ALDH4A1: variants seen among roughly 807,000 people sequenced by gnomAD.
ALDH4A1 encodes delta-1-pyrroline-5-carboxylate dehydrogenase, mitochondrial.
A neutral mutation model predicts 70.5 loss-of-function variants in ALDH4A1; 46 were observed. That is an observed-to-expected ratio of 0.65 (90% CI 0.51 to 0.83). The LOEUF is 0.83. Among genes scored for constraint, ALDH4A1 ranks in the 40% least tolerant of loss-of-function variants. The pLI is 0.00. For missense variants in ALDH4A1, 749 were observed against 766.5 expected (o/e 0.98, Z 0.27); for synonymous variants, 323 against 324.3 (o/e 1.00, Z 0.04).
rs1376796026 is a variant in ALDH4A1, at chr1:18,874,528, T to C, written c.1514A>G (p.Tyr505Cys). ...CGAGCCAGTGGACTTGTCGTTGATG[T>C]AGAAGTTGCCGGCAGCATTCCTCAG... ...KVLRNAAGNFYINDKSTGSIV... is the reference protein window; with the variant it reads ...KVLRNAAGNFCINDKSTGSIV... Residue 505 changes from tyrosine to cysteine, a missense_variant, in exon 14 of 15, where the codon TAC (tyrosine) becomes TGC (cysteine). Tyr to Cys is a radical substitution (Grantham distance 194). Transcript: ENST00000375341. 9.9e-6 allele frequency: 16 copies of C among 1,614,080 alleles called. No individual in the cohort carries two copies. Among genetic ancestry groups the C allele is most frequent in the East Asian group, 6.7e-5 (3 of 44,886 alleles).
rs921464987 is a variant in ALDH4A1, at chr1:18,872,645, A to G, written c.*200T>C. 8 of 560,238 alleles carry G rather than the reference A, an allele frequency of 1.4e-5. No homozygotes were observed. The East Asian group carries it at 2.1e-4, about 15-fold the overall frequency. The allele number at this position is 560,238 out of a possible 1,614,324, so 34.7% of individuals were successfully genotyped here. ...GCCGATGGGATAAGGGGTAGTGGCCATGTTCCTCCCCAGCACGATCTCAAA... is the reference window on the plus strand; with the variant it reads ...GCCGATGGGATAAGGGGTAGTGGCCGTGTTCCTCCCCAGCACGATCTCAAA... On this transcript the variant is annotated 3_prime_UTR_variant, in exon 15 of 15. Transcript: ENST00000375341.
rs1935698804 is a variant in ALDH4A1 at position 18,898,590 on chromosome 1, ATGTATGAGACCAT to A, written c.62+3859_62+3871del. On this transcript the variant is annotated intron_variant, in intron 1 of 14. Coordinates refer to ENST00000375341, the MANE Select transcript of ALDH4A1 (RefSeq NM_003748.4). This position sits in a 1 kb window ranked among gnomAD's most constrained non-coding sequence, Gnocchi z 4.3. ...TGCTGGGCACTCCAAAGTGCTTTCC[ATGTATGAGACCAT>A]TTAACACGCAGGACAATCCTATGAG... 6.6e-6 allele frequency among the ~76,000 whole-genome samples: 1 copy of A among 152,218 alleles called. No individual in the cohort carries two copies. The highest frequency in any genetic ancestry group is 1.5e-5 in the Non-Finnish European group (1 of 68,042).
intron 7 of ALDH4A1, among the ~76,000 whole-genome samples, chr1:18,882,391 CG>C (rs1935015113): frequency 6.6e-6 from 1 of 152,174 alleles, no homozygotes; most frequent in Non-Finnish European, 1.5e-5. Flanking sequence ...GTCTGGGGCT[CG>C]GGGTTCCCGA....
intron 8 of ALDH4A1, among the ~76,000 whole-genome samples, chr1:18,879,765 G>C (rs1017337958): frequency 4.6e-5 from 7 of 152,170 alleles, no homozygotes; most frequent in African/African-American, 1.7e-4. Context: ...GCAGGTACCT[G>C]GCAGGGAACA....
At chr1:18,882,508 C>A in intron 7 of ALDH4A1, 1 of 514,520 alleles carries the variant, frequency 1.9e-6, no homozygotes, top group South Asian at 1.4e-5. Flanking sequence ...CCGATAATGG[C>A]AGAGGAGTGA....
intron 1 of ALDH4A1, among the ~76,000 whole-genome samples, chr1:18,902,161 G>A (rs1935821572): frequency 6.6e-6 from 1 of 152,222 alleles, no homozygotes. Flanking sequence ...TGACTACAGA[G>A]GCTACTTTCC....
At position 18,890,018 on chromosome 1, in the gene ALDH4A1, C is replaced by T. The variant is rs201605414; in HGVS notation, c.150G>A (p.Leu50=). 200 of 1,607,440 alleles carry T rather than the reference C, an allele frequency of 1.2e-4. No homozygotes were observed. Among genetic ancestry groups the T allele is most frequent in the Middle Eastern group, 3.3e-4 (2 of 6,042 alleles). The change falls in exon 2 of 15, where the codon CTG becomes CTA. Residue 50 remains leucine (L), a synonymous_variant. Coordinates refer to ENST00000375341, the MANE Select transcript of ALDH4A1 (RefSeq NM_003748.4). The part of the protein sequence containing the change: ...FTQGSPERDA[L]QKALKDLKGR... ...CCTCCCACCCTCCCATTACCTTTTGCAGGGCATCTCGCTCAGGGCTGCCCT... is the reference window on the plus strand; with the variant it reads ...CCTCCCACCCTCCCATTACCTTTTGTAGGGCATCTCGCTCAGGGCTGCCCT...
intron 4 of ALDH4A1, 91 bp downstream of exon 4, chr1:18,886,373 T>A (rs1223712204): frequency 6.9e-7 from 1 of 1,445,226 alleles, no homozygotes; most frequent in Non-Finnish European, 9.7e-7. Flanking sequence ...CAGCAACTGA[T>A]GCCCCCTGCC....
rs749148509 is a variant in ALDH4A1, at chr1:18,876,326, TG to T, written c.1326del (p.Ile443SerfsTer2). 32 of 1,613,890 alleles carry T rather than the reference TG, an allele frequency of 2.0e-5. No homozygotes were observed. In the African/African-American group the frequency reaches 4.0e-4, roughly 20 times the overall value. ...CIVESKDPQEPIMKEEIFGPV... is the reference protein window; with the variant it reads ...CIVESKDPQEXIMKEEIFGPV... ...CCCACCCCAGTCACCTCCTTCATGA[TG>T]GGCTCCTGAGGGTCCTTGCTCTCCA... is the stretch of plus-strand genomic sequence containing the variant. On this transcript the variant is annotated frameshift_variant, in exon 12 of 15. Coordinates refer to ENST00000375341, the MANE Select transcript of ALDH4A1 (RefSeq NM_003748.4). LOFTEE classifies it high-confidence loss of function.
chr1:18,898,023 C>A lies in ALDH4A1; in HGVS notation c.62+4439G>T, dbSNP rs1004011744. Reference sequence around the variant, plus strand: ...TCCCCTGAGGTGAGCAGGGTCAAAACCCTAACAGAAGGTCGGACGCAGTGG... The same window carrying A: ...TCCCCTGAGGTGAGCAGGGTCAAAAACCTAACAGAAGGTCGGACGCAGTGG... On this transcript the variant is annotated intron_variant, in intron 1 of 14. Transcript: ENST00000375341. This position sits in a 1 kb window ranked among gnomAD's most constrained non-coding sequence, Gnocchi z 4.3. Among the ~76,000 whole-genome samples the A allele has an allele frequency of 1.3e-5, 2 of 151,994 alleles. No individual in the cohort carries two copies. Among genetic ancestry groups the A allele is most frequent in the African/African-American group, 4.8e-5 (2 of 41,368 alleles).
At position 18,872,564 on chromosome 1, in the gene ALDH4A1, C is replaced by A; in HGVS notation, c.*281G>T. 6.1e-6 allele frequency: 2 copies of A among 328,574 alleles called. No homozygotes were observed. The highest frequency in any genetic ancestry group is 1.1e-5 in the Non-Finnish European group (2 of 176,856). 20.4% of individuals were successfully genotyped at this position (328,574 alleles called of 1,614,324 possible). On this transcript the variant is annotated 3_prime_UTR_variant, in exon 15 of 15. Coordinates refer to ENST00000375341, the MANE Select transcript of ALDH4A1 (RefSeq NM_003748.4). ...TTCCCCAGGTCCCTGAGCCACTGGG[C>A]CCAGTGGAGGGCAGAGGGAGAACCT...
chr1:18,881,658 G>A (rs370737207), intron 8 of ALDH4A1, 42 bp downstream of exon 8: 14 of 853,154 alleles, frequency 1.6e-5, no homozygotes, highest in Admixed American at 1.2e-4. Flanking sequence ...GCAGGTGAAC[G>A]TCCCCTAGCC....
rs528038200 is a variant in ALDH4A1, at chr1:18,886,662, C to T, written c.250-151G>A. On this transcript the variant is annotated intron_variant, in intron 3 of 14. Transcript: ENST00000375341. ...CTCCCATGAAACCCTCCCCAGTGCC[C>T]GGCCCACAGGTTGCTCCCTGTTAAG... 100 of 822,142 alleles carry T rather than the reference C, an allele frequency of 1.2e-4. No homozygotes were observed. The South Asian group carries it at 1.2e-3, about 10-fold the overall frequency. 50.9% of individuals were successfully genotyped at this position (822,142 alleles called of 1,614,324 possible). A position where few individuals can be genotyped will look rare whatever the true frequency, so the allele number is the denominator to read the frequency against.
rs369942342 is a variant in ALDH4A1 at position 18,873,866 on chromosome 1, G to A, written c.1579+597C>T. The stretch of plus-strand genomic sequence containing the variant: ...GCATCATGGGAGCTTCTAATGCGTC[G>A]CAAAGTCAGACAAGGTGTGGGTAAC... On this transcript the variant is annotated intron_variant, in intron 14 of 14. Transcript: ENST00000375341. Among the ~76,000 whole-genome samples the A allele has an allele frequency of 1.2e-4, 18 of 152,314 alleles. No homozygotes were observed. In the South Asian group the frequency reaches 1.9e-3, roughly 16 times the overall value.
At chr1:18,889,693 T>C (rs979440406) in intron 2 of ALDH4A1, among the ~76,000 whole-genome samples, 4 of 152,204 alleles carry the variant, frequency 2.6e-5, no homozygotes, top group Non-Finnish European at 4.4e-5. Context: ...ATAAAAAAAC[T>C]GCACCTGAAA....
At chr1:18,878,051 C>T (rs1364637196) in intron 9 of ALDH4A1, among the ~76,000 whole-genome samples, 2 of 152,102 alleles carry the variant, frequency 1.3e-5, no homozygotes, top group East Asian at 3.9e-4. Flanking sequence ...GGGTTGGGCC[C>T]CTCCTCCCCA....
In ALDH4A1 at chr1:18,877,267, G is replaced by A; in HGVS notation, c.1138-12C>T. Reference sequence around the variant, plus strand: ...AAATCCTCTGCAGGCTGGAGGCAAGGGAGGCGCCAGAAGAGACGAGTCACT... The same window carrying A: ...AAATCCTCTGCAGGCTGGAGGCAAGAGAGGCGCCAGAAGAGACGAGTCACT... On this transcript the variant is annotated splice_polypyrimidine_tract_variant and intron_variant, in intron 10 of 14. Coordinates refer to ENST00000375341, the MANE Select transcript of ALDH4A1 (RefSeq NM_003748.4). 1 of 1,601,858 alleles carries A rather than the reference G, an allele frequency of 6.2e-7. No individual in the cohort carries two copies. The highest frequency in any genetic ancestry group is 8.5e-7 in the Non-Finnish European group (1 of 1,173,730).
At chr1:18,888,412 G>A (rs916483747) in intron 3 of ALDH4A1, among the ~76,000 whole-genome samples, 4 of 152,150 alleles carry the variant, frequency 2.6e-5, no homozygotes, top group African/African-American at 7.2e-5. Context: ...CAAATGTCTC[G>A]TGCCACAGTG....
At chr1:18,881,998 G>A in intron 7 of ALDH4A1, 111 bp from the exon 8 acceptor site, 1 of 1,103,632 alleles carries the variant, frequency 9.1e-7, no homozygotes, top group Non-Finnish European at 1.3e-6. Flanking sequence ...ACCAGACTCT[G>A]TGCCAACCAG....
Sources: allele counts gnomAD v4.1 joint callset (sites outside exome capture counted in the v4.1 genomes callset), GRCh38; gene constraint gnomAD v4.1.1; non-coding constraint Gnocchi (gnomAD v3.1); transcripts MANE v1.5; gene names NCBI Gene and HGNC (gene_info 2026-07-23, HGNC 2026-07-21).